The following POLR3G variants were observed in gnomAD, a reference collection of about 807,000 sequenced individuals.
POLR3G encodes RNA polymerase III subunit G.
Under a neutral mutation model 30.1 loss-of-function variants are expected in POLR3G, and 28 were observed. That is an observed-to-expected ratio of 0.93 (90% confidence interval 0.69 to 1.27). The LOEUF (loss-of-function observed/expected upper bound fraction) is 1.27. POLR3G is among the 50% of genes most tolerant of loss of function. The probability of loss-of-function intolerance (pLI) is 0.00; values close to 1 mark genes in which losing one functional copy is unlikely to be tolerated. For synonymous variants in POLR3G, 79 were observed against 82.5 expected (o/e 0.96, Z 0.23); for missense variants, 254 against 264.6 (o/e 0.96, Z 0.28).
chr5:90,491,153 C>T (rs1029079077), intron 3 of POLR3G, among the ~76,000 whole-genome samples: 6 of 151,928 alleles, frequency 3.9e-5, no homozygotes, highest in Non-Finnish European at 5.9e-5. Context: ...TTTCATGTTG[C>T]GATGTCTTCA....
intron 5 of POLR3G, 34 bp from the exon 6 acceptor site, chr5:90,501,872 C>G (rs762578683): frequency 6.2e-7 from 1 of 1,607,182 alleles, no homozygotes; most frequent in Admixed American, 1.7e-5. Context: ...GTTGCAGTTG[C>G]AGAAAAATGT....
At position 90,485,695 on chromosome 5, in the gene POLR3G, G is replaced by A. The variant is rs1751404774; in HGVS notation, c.117+11G>A. 4.5e-6 allele frequency: 7 copies of A among 1,567,052 alleles called. No homozygotes were observed. The highest frequency in any genetic ancestry group is 6.1e-6 in the Non-Finnish European group (7 of 1,139,788). On this transcript the variant is annotated intron_variant, in intron 2 of 7. Coordinates refer to ENST00000651687, the MANE Select transcript of POLR3G (RefSeq NM_006467.3). The stretch of plus-strand genomic sequence containing the variant: ...CCCCCACTATTTCCTGTAAGTATAT[G>A]AACAGTTGAATTCTCATAGTGTGTT...
intron 2 of POLR3G, among the ~76,000 whole-genome samples, chr5:90,486,060 G>A (rs750404905): frequency 3.3e-5 from 5 of 152,038 alleles, no homozygotes. Context: ...TTCTTATCTT[G>A]TATCTATAGA....
intron 6 of POLR3G, among the ~76,000 whole-genome samples, chr5:90,505,390 A>G (rs1580218764): frequency 6.6e-6 from 1 of 152,232 alleles, no homozygotes; most frequent in Non-Finnish European, 1.5e-5. Flanking sequence ...AGCATAGTAC[A>G]ATTTAGTGAA....
chr5:90,510,348 A>G (rs1475135467), intron 7 of POLR3G, among the ~76,000 whole-genome samples: 1 of 152,114 alleles, frequency 6.6e-6, no homozygotes, highest in Non-Finnish European at 1.5e-5. Flanking sequence ...ACTGCACTCC[A>G]GCCTGGGTGA....
At chr5:90,502,726 C>A (rs772496435) in intron 6 of POLR3G, among the ~76,000 whole-genome samples, 3 of 149,894 alleles carry the variant, frequency 2.0e-5, no homozygotes, top group Non-Finnish European at 4.4e-5. Context: ...ATATTACATT[C>A]TGCGTTTTCA....
chr5:90,497,304 A>G (rs1000241739), intron 4 of POLR3G, among the ~76,000 whole-genome samples: 9 of 152,172 alleles, frequency 5.9e-5, no homozygotes, highest in Non-Finnish European at 8.8e-5. Context: ...GAATATATCA[A>G]CTACAGAAAA....
At chr5:90,497,076 T>C (rs1752030346) in intron 4 of POLR3G, among the ~76,000 whole-genome samples, 1 of 152,192 alleles carries the variant, frequency 6.6e-6, no homozygotes, top group Non-Finnish European at 1.5e-5. Context: ...TTTAACTCTA[T>C]GCTTAAAAAT....
chr5:90,485,461 T>C, intron 1 of POLR3G, 64 bp from the exon 2 acceptor site: 2 of 767,172 alleles, frequency 2.6e-6, no homozygotes, highest in Non-Finnish European at 4.4e-6. Flanking sequence ...TGCAGTTTTA[T>C]ATTTTGCTTT....
intron 1 of POLR3G, among the ~76,000 whole-genome samples, chr5:90,481,426 A>C (rs982937064): frequency 1.1e-4 from 16 of 152,210 alleles, no homozygotes; most frequent in African/African-American, 3.9e-4. Context: ...ATCACATCTC[A>C]GGTATAAATC....
chr5:90,494,344 A>G (rs1160302454), intron 3 of POLR3G, among the ~76,000 whole-genome samples: 1 of 152,206 alleles, frequency 6.6e-6, no homozygotes. Context: ...TTTTGGGATT[A>G]CATGAGTTAT....
upstream of POLR3G, chr5:90,474,179 G>C (rs767269743): frequency 1.2e-6 from 2 of 1,606,120 alleles, no homozygotes; most frequent in East Asian, 2.2e-5. Flanking sequence ...CGTCCTGCTC[G>C]GAGCCGCGCA....
chr5:90,491,058 T>A (rs181083105), intron 3 of POLR3G, among the ~76,000 whole-genome samples: 1 of 152,202 alleles, frequency 6.6e-6, no homozygotes, highest in Non-Finnish European at 1.5e-5. Context: ...GGGTGAGAGA[T>A]CTCAAGACTT....
chr5:90,492,664 C>T (rs1026413821), intron 3 of POLR3G, among the ~76,000 whole-genome samples: 1 of 151,860 alleles, frequency 6.6e-6, no homozygotes, highest in East Asian at 1.9e-4. Flanking sequence ...AGGTGGATCA[C>T]GAGGTCAGGA....
intron 7 of POLR3G, among the ~76,000 whole-genome samples, chr5:90,510,842 ATAT>A (rs1752703416): frequency 6.6e-6 from 1 of 151,560 alleles, no homozygotes; most frequent in Admixed American, 6.6e-5. Context: ...TTATGTAAAT[ATAT>A]TAAAAATCCC....
chr5:90,486,377 A>G (rs1751440338), intron 2 of POLR3G, among the ~76,000 whole-genome samples: 1 of 152,182 alleles, frequency 6.6e-6, no homozygotes, highest in Non-Finnish European at 1.5e-5. Context: ...GCTCTTTTCC[A>G]TGTGTGAGGA....
intron 1 of POLR3G, among the ~76,000 whole-genome samples, chr5:90,483,032 C>T (rs1178505034): frequency 2.7e-5 from 4 of 150,456 alleles, no homozygotes; most frequent in African/African-American, 2.4e-5. Flanking sequence ...CTCAACTACT[C>T]GGGAGGCTGA....
chr5:90,499,955 C>G (rs1264451854), intron 5 of POLR3G, among the ~76,000 whole-genome samples: 1 of 152,076 alleles, frequency 6.6e-6, no homozygotes, highest in Admixed American at 6.6e-5. Flanking sequence ...TGATACTGGT[C>G]ATGTCCTAGA....
chr5:90,490,365 T>C (rs1751660859), intron 3 of POLR3G, among the ~76,000 whole-genome samples: 2 of 151,090 alleles, frequency 1.3e-5, no homozygotes, highest in Non-Finnish European at 2.9e-5. Context: ...CCCTGAGATC[T>C]TCATGTTTAC....
Sources: gnomAD v4.1 joint callset for allele counts (sites outside exome capture counted in the v4.1 genomes callset) on GRCh38, gnomAD v4.1.1 for gene constraint, MANE v1.5 for transcripts, NCBI Gene and HGNC (gene_info 2026-07-23, HGNC 2026-07-21) for gene names.